Variants in CERS3 observed in about 807,000 individuals in gnomAD.
The protein encoded by CERS3 is ceramide synthase 3.
A neutral mutation model predicts 50.3 loss-of-function variants in CERS3; 33 were observed. The ratio of observed to expected loss-of-function variants is 0.66; its 90% CI spans 0.50 to 0.88. CERS3 has a LOEUF of 0.88. Ranked by LOEUF, CERS3 falls within the 40% of genes least tolerant of loss-of-function variation. The probability of loss-of-function intolerance (pLI) is 0.00; values close to 1 mark genes in which losing one functional copy is unlikely to be tolerated. For missense variants in CERS3, 470 were observed against 460.3 expected (o/e 1.02, Z -0.19); for synonymous variants, 176 against 155.2 (o/e 1.13, Z -0.99).
At chr15:100,417,619 C>A (rs377449895) in intron 11 of CERS3, among the ~76,000 whole-genome samples, 35 of 151,612 alleles carry the variant, frequency 2.3e-4, no homozygotes, top group Admixed American at 9.2e-4. Context: ...GGCTCCACCT[C>A]TGGGGGCAGG....
chr15:100,525,304 C>T lies in CERS3; in HGVS notation c.-92+3509G>A, dbSNP rs368509830. ...AATCCACCACCAGCACAAATCATCTCCACAGATTTTCCAGTGGGCAGGTAG... is the reference window on the plus strand; with the variant it reads ...AATCCACCACCAGCACAAATCATCTTCACAGATTTTCCAGTGGGCAGGTAG... On this transcript the variant is annotated intron_variant, in intron 1 of 11. Transcript: ENST00000679737. Among the ~76,000 whole-genome samples, 14 of 152,304 alleles carry T rather than the reference C, an allele frequency of 9.2e-5. 1 individual carries two copies. The highest frequency in any genetic ancestry group is 1.5e-4 in the Non-Finnish European group (10 of 68,022).
chr15:100,427,372 TC>T (rs1221875729), intron 11 of CERS3, among the ~76,000 whole-genome samples: 1 of 152,204 alleles, frequency 6.6e-6, no homozygotes, highest in Non-Finnish European at 1.5e-5. Context: ...GCAATGCCAA[TC>T]TATCAGCCCA....
chr15:100,443,166 C>CT (rs2033769813), intron 11 of CERS3, among the ~76,000 whole-genome samples: 1 of 149,718 alleles, frequency 6.7e-6, no homozygotes, highest in African/African-American at 2.4e-5. Context: ...CCTCTTGTAT[C>CT]CCCCTACCTT....
chr15:100,417,858 G>A (rs899140002), intron 11 of CERS3, among the ~76,000 whole-genome samples: 2 of 152,022 alleles, frequency 1.3e-5, no homozygotes, highest in African/African-American at 4.8e-5. Context: ...CAACAGACCT[G>A]CAGCTGAGGG....
intron 11 of CERS3, among the ~76,000 whole-genome samples, chr15:100,435,856 A>G (rs967166282): frequency 2.0e-5 from 3 of 152,218 alleles, no homozygotes; most frequent in Non-Finnish European, 2.9e-5. Flanking sequence ...CTGTGTGGCC[A>G]ACAAACATTT....
chr15:100,412,734 A>T (rs145027904), intron 11 of CERS3, among the ~76,000 whole-genome samples: 2 of 152,310 alleles, frequency 1.3e-5, no homozygotes, highest in East Asian at 3.9e-4. Context: ...ACCAGTGTAA[A>T]ATAGAATATG....
At chr15:100,460,919 T>C (rs893516769) in intron 10 of CERS3, among the ~76,000 whole-genome samples, 1 of 152,150 alleles carries the variant, frequency 6.6e-6, no homozygotes, top group Non-Finnish European at 1.5e-5. Context: ...GGGTTCTACA[T>C]GTACAAAGGC....
intron 11 of CERS3, among the ~76,000 whole-genome samples, chr15:100,413,794 A>T (rs968569907): frequency 2.0e-5 from 3 of 151,152 alleles, no homozygotes; most frequent in Non-Finnish European, 3.0e-5. Flanking sequence ...AAACCCTTAC[A>T]GACTATTATA....
chr15:100,526,881 T>G (rs931370806), intron 1 of CERS3, among the ~76,000 whole-genome samples: 4 of 152,180 alleles, frequency 2.6e-5, no homozygotes, highest in African/African-American at 9.6e-5. Context: ...GGGCCTACCC[T>G]CTGTCAGGTC....
intron 5 of CERS3, 42 bp downstream of exon 5, chr15:100,484,508 A>G: frequency 7.4e-7 from 1 of 1,356,700 alleles, no homozygotes; most frequent in Non-Finnish European, 1.1e-6. Context: ...TCAGCTCCAG[A>G]TAGGACGGCA....
chr15:100,497,310 G>A (rs1213978232), intron 3 of CERS3, among the ~76,000 whole-genome samples: 2 of 149,436 alleles, frequency 1.3e-5, no homozygotes, highest in African/African-American at 2.5e-5. Flanking sequence ...ATATGTATGT[G>A]TGTGTGTGTG....
chr15:100,436,321 A>G (rs954360179), intron 11 of CERS3, among the ~76,000 whole-genome samples: 11 of 152,368 alleles, frequency 7.2e-5, no homozygotes, highest in South Asian at 2.1e-4. Context: ...TGTCCTTTGC[A>G]GGAACGTGGA....
At chr15:100,472,850 C>A in intron 9 of CERS3, 74 bp downstream of exon 9, 1 of 1,583,782 alleles carries the variant, frequency 6.3e-7, no homozygotes, top group South Asian at 1.1e-5. Context: ...AAATTGCTCA[C>A]AATTACTTCT....
intron 2 of CERS3, among the ~76,000 whole-genome samples, chr15:100,515,590 C>T (rs1434441752): frequency 2.0e-5 from 3 of 152,044 alleles, no homozygotes; most frequent in Non-Finnish European, 4.4e-5. Flanking sequence ...TGCAGAAAAA[C>T]AGGTATGACT....
Position 100,402,263 on chromosome 15 carries a change from G to A in CERS3, c.*450C>T, listed in dbSNP as rs144122309. On this transcript the variant is annotated 3_prime_UTR_variant, in exon 12 of 12. Coordinates refer to ENST00000679737, the MANE Select transcript of CERS3 (RefSeq NM_001378789.1). ...AAGTGTCTCCTGGTGTGGTCCTTCC[G>A]CTCCTGTCCCACTGCCACTTCTAAC... 1,185 of 157,352 alleles carry A rather than the reference G, an allele frequency of 7.5e-3. 9 individuals carry two copies. The highest frequency in any genetic ancestry group is 0.011 in the East Asian group (59 of 5,264). The allele number at this position is 157,352 out of a possible 1,614,324, so 9.7% of individuals were successfully genotyped here. A position where few individuals can be genotyped will look rare whatever the true frequency, so the allele number is the denominator to read the frequency against.
chr15:100,518,788 T>C (rs2036563291), intron 2 of CERS3, among the ~76,000 whole-genome samples: 1 of 152,232 alleles, frequency 6.6e-6, no homozygotes, highest in Non-Finnish European at 1.5e-5. Flanking sequence ...TCTGCTCTAT[T>C]GATCTTCATT....
intron 11 of CERS3, among the ~76,000 whole-genome samples, chr15:100,403,263 A>T (rs975464341): frequency 3.9e-5 from 6 of 152,236 alleles, no homozygotes; most frequent in African/African-American, 1.4e-4. Flanking sequence ...CAGCTAAAAT[A>T]TGCTTAAAAG....
Position 100,480,017 on chromosome 15 carries a change from G to A in CERS3, c.437C>T (p.Thr146Ile). The change falls in exon 6 of 12, where the codon ACT becomes ATT. Residue 146 changes from threonine to isoleucine, a missense_variant. Thr to Ile is a moderately conservative substitution (Grantham distance 89). Transcript: ENST00000679737. ...ATAAAGAAACGCAATTCCAGCAACA[G>A]TGATCATTAAGTAAAATGCAAATCT... ...CWRFAFYLMI[T>I]VAGIAFLYDK... 6.2e-7 allele frequency: 1 copy of A among 1,611,328 alleles called. No individual in the cohort carries two copies. Among genetic ancestry groups the A allele is most frequent in the Non-Finnish European group, 8.5e-7 (1 of 1,178,734 alleles).
chr15:100,522,768 C>T (rs2036674594), intron 1 of CERS3, among the ~76,000 whole-genome samples: 1 of 152,090 alleles, frequency 6.6e-6, no homozygotes, highest in African/African-American at 2.4e-5. Flanking sequence ...CTTCAAGGTG[C>T]CATTTATGAA....
Sources: gnomAD v4.1 joint callset for allele counts (sites outside exome capture counted in the v4.1 genomes callset) on GRCh38, gnomAD v4.1.1 for gene constraint, MANE v1.5 for transcripts, NCBI Gene and HGNC (gene_info 2026-07-23, HGNC 2026-07-21) for gene names.